The following NAPEPLD variants were observed in gnomAD, a reference collection of about 807,000 sequenced individuals.
The protein encoded by NAPEPLD is N-acyl-phosphatidylethanolamine-hydrolyzing phospholipase D.
NAPEPLD carries 23 observed loss-of-function variants against 38.1 expected under a neutral mutation model. The observed-to-expected ratio is 0.60, with a 90% confidence interval of 0.43 to 0.86. NAPEPLD has a LOEUF of 0.86. Ranked by LOEUF, NAPEPLD falls within the 40% of genes least tolerant of loss-of-function variation. NAPEPLD has a pLI of 0.00. For missense variants in NAPEPLD, 411 were observed against 476.8 expected, an observed-to-expected ratio of 0.86 and a Z score of 1.28; for synonymous variants, 147 against 162.0, an observed-to-expected ratio of 0.91 and a Z score of 0.71.
chr7:103,120,155 C>T lies in NAPEPLD; in HGVS notation c.363G>A (p.Arg121=), dbSNP rs1806354991. 1 of 1,614,160 alleles carries T rather than the reference C, an allele frequency of 6.2e-7. No individual in the cohort carries two copies. The highest frequency in any genetic ancestry group is 2.2e-5 in the East Asian group (1 of 44,886). The change falls in exon 3 of 5, where the codon AGG becomes AGA. Residue 121 remains arginine, a synonymous_variant. Coordinates refer to ENST00000465647, the MANE Select transcript of NAPEPLD (RefSeq NM_001122838.3). Reference sequence around the variant, plus strand: ...GCCATGTGACTCTTAAGCCAGCTTCCCTCACTCCAGCTTCTTCAGGGTTAG... The same window carrying T: ...GCCATGTGACTCTTAAGCCAGCTTCTCTCACTCCAGCTTCTTCAGGGTTAG... ...FITNPEEAGV[R]EAGLRVTWLG...
chr7:103,140,895 C>T (rs1811164432), intron 1 of NAPEPLD, among the ~76,000 whole-genome samples: 1 of 152,146 alleles, frequency 6.6e-6, no homozygotes, highest in Non-Finnish European at 1.5e-5. Context: ...GCACTTTTCC[C>T]AGAGCTTGAA....
chr7:103,114,604 G>A (rs527513461), intron 4 of NAPEPLD, among the ~76,000 whole-genome samples: 3 of 151,960 alleles, frequency 2.0e-5, no homozygotes, highest in South Asian at 2.1e-4. Context: ...ATTCCATCAC[G>A]CCCTCTCTGA....
Position 103,141,254 on chromosome 7 carries a change from T to G in NAPEPLD, c.-17+7557A>C, listed in dbSNP as rs1479304118. On this transcript the variant is annotated intron_variant, in intron 1 of 4. Transcript: ENST00000465647. Reference sequence around the variant, plus strand: ...CCTGTGGAGTTGTTTTTTTTTTTTTTTTTTTTTTTTTGCAAGCAGATAAAG... The same window carrying G: ...CCTGTGGAGTTGTTTTTTTTTTTTTGTTTTTTTTTTTGCAAGCAGATAAAG... 2.2e-5 allele frequency: 6 copies of G among 277,546 alleles called. No homozygotes were observed. In the East Asian group the frequency reaches 2.7e-4, roughly 12 times the overall value. The allele number at this position is 277,546 out of a possible 1,614,324, so 17.2% of individuals were successfully genotyped here. A position where few individuals can be genotyped will look rare whatever the true frequency, so the allele number is the denominator to read the frequency against.
intron 1 of NAPEPLD, among the ~76,000 whole-genome samples, chr7:103,139,043 T>A (rs2129534889): frequency 6.6e-6 from 1 of 152,326 alleles, no homozygotes; most frequent in Admixed American, 6.5e-5. Flanking sequence ...GCGAAGTATT[T>A]CACCTGAGAA....
At chr7:103,146,790 G>A (rs1359895502) in intron 1 of NAPEPLD, among the ~76,000 whole-genome samples, 1 of 152,126 alleles carries the variant, frequency 6.6e-6, no homozygotes, top group Non-Finnish European at 1.5e-5. Flanking sequence ...AGAGTCTGCA[G>A]TGTATATATT....
chr7:103,109,877 T>C (rs979353402), intron 4 of NAPEPLD, among the ~76,000 whole-genome samples: 1 of 152,016 alleles, frequency 6.6e-6, no homozygotes, highest in Admixed American at 6.6e-5. Context: ...TAAAAAATGA[T>C]AAAGGAGATA....
At chr7:103,108,452 A>G (rs191003740) in intron 4 of NAPEPLD, among the ~76,000 whole-genome samples, 11 of 152,298 alleles carry the variant, frequency 7.2e-5, no homozygotes, top group Admixed American at 1.3e-4. Context: ...AACATTCTTA[A>G]AAGAATTTTC....
intron 1 of NAPEPLD, among the ~76,000 whole-genome samples, chr7:103,137,009 G>A (rs948673211): frequency 2.0e-5 from 3 of 152,056 alleles, no homozygotes; most frequent in Non-Finnish European, 4.4e-5. Flanking sequence ...GTGCAATCTC[G>A]GCTCACTGCA....
chr7:103,144,564 G>A (rs545316023), intron 1 of NAPEPLD, among the ~76,000 whole-genome samples: 1 of 152,058 alleles, frequency 6.6e-6, no homozygotes, highest in African/African-American at 2.4e-5. Context: ...CTTTCAAAAG[G>A]TGTCTCAGTT....
At chr7:103,129,207 G>A (rs1808440713) in intron 1 of NAPEPLD, 3 of 614,268 alleles carry the variant, frequency 4.9e-6, no homozygotes, top group Non-Finnish European at 6.1e-6. Flanking sequence ...GGAGGTTGTG[G>A]TGAGCTGAGA....
chr7:103,120,713 T>TTTC (rs1414784477), intron 2 of NAPEPLD, among the ~76,000 whole-genome samples: 5 of 117,092 alleles, frequency 4.3e-5, no homozygotes, highest in African/African-American at 2.0e-4. Flanking sequence ...TTTTTTTTTT[T>TTTC]TTTTTTTTTT....
chr7:103,146,151 T>C (rs1045234160), intron 1 of NAPEPLD, among the ~76,000 whole-genome samples: 4 of 152,144 alleles, frequency 2.6e-5, no homozygotes, highest in Non-Finnish European at 4.4e-5. Context: ...CTTTCAAAAC[T>C]AATGACTGCT....
At chr7:103,106,118 G>A (rs1014208551) in intron 4 of NAPEPLD, among the ~76,000 whole-genome samples, 7 of 152,020 alleles carry the variant, frequency 4.6e-5, no homozygotes, top group Non-Finnish European at 1.0e-4. Context: ...GTGGGGCATT[G>A]CCTCATCCAG....
intron 1 of NAPEPLD, among the ~76,000 whole-genome samples, chr7:103,137,837 GA>G (rs1243092860): frequency 1.2e-4 from 16 of 135,036 alleles, no homozygotes; most frequent in East Asian, 6.4e-4. Context: ...AAAAAAAAAA[GA>G]AAAAGAAAAA....
intron 4 of NAPEPLD, among the ~76,000 whole-genome samples, chr7:103,105,932 CAAA>C (rs1194781765): frequency 3.5e-3 from 177 of 49,954 alleles, no homozygotes; most frequent in Non-Finnish European, 5.3e-3. Flanking sequence ...GACTCCGTCT[CAAA>C]AAAAAAAAAA....
At position 103,101,145 on chromosome 7, in the gene NAPEPLD, A is replaced by G. The variant is rs961013074; in HGVS notation, c.*2284T>C. On this transcript the variant is annotated 3_prime_UTR_variant, in exon 5 of 5. Transcript: ENST00000465647. ...GTGCAGCAGCAGGGAATATGGCTAC[A>G]ACAACGCTGGCTAGTATTAGGGCAA... The G allele has an allele frequency of 6.6e-6, 1 of 152,232 alleles. No individual in the cohort carries two copies. Among genetic ancestry groups the G allele is most frequent in the African/African-American group, 2.4e-5 (1 of 41,454 alleles). The allele number at this position is 152,232 out of a possible 1,614,324, so 9.4% of individuals were successfully genotyped here.
chr7:103,120,335 T>G, intron 2 of NAPEPLD, 112 bp from the exon 3 acceptor site: 25 of 1,128,052 alleles, frequency 2.2e-5, no homozygotes, highest in Non-Finnish European at 3.1e-5. Context: ...TTAAGAGAAC[T>G]AAAGTCATTC....
intron 1 of NAPEPLD, among the ~76,000 whole-genome samples, chr7:103,147,170 A>G (rs1264915383): frequency 6.6e-6 from 1 of 152,238 alleles, no homozygotes; most frequent in Admixed American, 6.5e-5. Context: ...TTGTAGACAG[A>G]ATTATTCAGT....
chr7:103,100,632 C>G lies in NAPEPLD; in HGVS notation c.*2797G>C, dbSNP rs2129525231. 6.6e-6 allele frequency: 1 copy of G among 152,252 alleles called. No individual in the cohort carries two copies. The highest frequency in any genetic ancestry group is 1.9e-4 in the East Asian group (1 of 5,176). 9.4% of individuals were successfully genotyped at this position (152,252 alleles called of 1,614,324 possible). ...AACTTCAATAAAATCTTACATATTG[C>G]TATGGGTATTCACGAAGAGGAAAAT... On this transcript the variant is annotated 3_prime_UTR_variant, in exon 5 of 5. Coordinates refer to ENST00000465647, the MANE Select transcript of NAPEPLD (RefSeq NM_001122838.3).
Sources: allele counts gnomAD v4.1 joint callset (sites outside exome capture counted in the v4.1 genomes callset), GRCh38; gene constraint gnomAD v4.1.1; transcripts MANE v1.5; gene names NCBI Gene and HGNC (gene_info 2026-07-23, HGNC 2026-07-21).